Variants in SELENOP observed in about 807,000 individuals in gnomAD.
SELENOP encodes the protein selenoprotein P, plasma, 1.
Under a neutral mutation model 41.0 loss-of-function variants are expected in SELENOP, and 36 were observed. That is an observed-to-expected ratio of 0.88 (90% CI 0.67 to 1.16). SELENOP has a LOEUF of 1.16. Among genes scored for constraint, SELENOP ranks in the 50% most tolerant of loss-of-function variants. The probability of loss-of-function intolerance (pLI) is 0.00; values close to 1 mark genes in which losing one functional copy is unlikely to be tolerated. For synonymous variants in SELENOP, 144 were observed against 150.8 expected, an observed-to-expected ratio of 0.95 and a Z score of 0.33; for missense variants, 440 against 454.2, an observed-to-expected ratio of 0.97 and a Z score of 0.28.
chr5:42,804,410 G>A (rs1203522584), intron 4 of SELENOP, among the ~76,000 whole-genome samples: 2 of 152,156 alleles, frequency 1.3e-5, no homozygotes, highest in African/African-American at 2.4e-5. Flanking sequence ...GCAGTGAGCC[G>A]AGATCGCGCC....
chr5:42,809,737 A>C, intron 1 of SELENOP: 2 of 854,278 alleles, frequency 2.3e-6, no homozygotes, highest in Non-Finnish European at 1.4e-6. Flanking sequence ...CTTTCACATT[A>C]TTTAACACAT....
intron 4 of SELENOP, among the ~76,000 whole-genome samples, chr5:42,802,683 TCA>T (rs1184947590): frequency 6.6e-6 from 1 of 152,232 alleles, no homozygotes; most frequent in Non-Finnish European, 1.5e-5. Flanking sequence ...CGACCTCGAC[TCA>T]CTGCAACTTC....
chr5:42,806,495 T>C (rs998915891), intron 3 of SELENOP: 1 of 161,204 alleles, frequency 6.2e-6, no homozygotes, highest in African/African-American at 2.4e-5. Context: ...AATCAAGGGA[T>C]AGATGAGATT....
chr5:42,809,804 T>G, intron 1 of SELENOP: 1 of 949,720 alleles, frequency 1.1e-6, no homozygotes, highest in African/African-American at 1.8e-5. Flanking sequence ...GAGAGTGAGG[T>G]GAGAGAGGTA....
At chr5:42,803,761 GTTC>G (rs1760263496) in intron 4 of SELENOP, among the ~76,000 whole-genome samples, 2 of 152,070 alleles carry the variant, frequency 1.3e-5, no homozygotes. Context: ...TTTAAATATA[GTTC>G]TTCTCATAAC....
rs368371360 is a variant in SELENOP at position 42,800,089 on chromosome 5, C to G, written c.*631G>C. 3.4e-4 allele frequency: 80 copies of G among 233,158 alleles called. 1 individual carries two copies. In the South Asian group the frequency reaches 6.9e-3, roughly 20 times the overall value. The allele number at this position is 233,158 out of a possible 1,614,324, so 14.4% of individuals were successfully genotyped here. On this transcript the variant is annotated 3_prime_UTR_variant, in exon 5 of 5. Transcript: ENST00000514985. ...TTTCCCCTTATATCTTTTAAGACAG[C>G]CACTCAAGTTTTAGAAGAGTATGAT...
rs1218998793 is a variant in SELENOP at position 42,800,984 on chromosome 5, C to T, written c.882G>A (p.Glu294=). 1 of 1,614,214 alleles carries T rather than the reference C, an allele frequency of 6.2e-7. No homozygotes were observed. The highest frequency in any genetic ancestry group is 2.2e-5 in the East Asian group (1 of 44,894). The part of the protein sequence containing the change: ...QLLCKLPTDS[E]LAPRSUCCHC... ...GGCAGCATCAGCTCCTAGGAGCCAA[C>T]TCTGAATCTGTGGGCAATTTACAGA... The change falls in exon 5 of 5, where the codon GAG becomes GAA. Residue 294 remains glutamate, a synonymous_variant. Coordinates refer to ENST00000514985, the MANE Select transcript of SELENOP (RefSeq NM_005410.4).
rs550031817 is a variant in SELENOP at position 42,800,371 on chromosome 5, C to G, written c.*349G>C. 8 of 175,736 alleles carry G rather than the reference C, an allele frequency of 4.6e-5. No individual in the cohort carries two copies. Among genetic ancestry groups the G allele is most frequent in the Non-Finnish European group, 8.3e-5 (7 of 84,292 alleles). 10.9% of individuals were successfully genotyped at this position (175,736 alleles called of 1,614,324 possible). A position where few individuals can be genotyped will look rare whatever the true frequency, so the allele number is the denominator to read the frequency against. ...GTAAAGAAAAAAATGGAAAGCATGT[C>G]TTTGTTGTTCTTCCTCCATTCTAAA... On this transcript the variant is annotated 3_prime_UTR_variant, in exon 5 of 5. Transcript: ENST00000514985.
chr5:42,804,655 C>A lies in SELENOP; in HGVS notation c.534+1G>T. The A allele has an allele frequency of 6.7e-7, 1 of 1,498,214 alleles. No homozygotes were observed. The highest frequency in any genetic ancestry group is 9.2e-7 in the Non-Finnish European group (1 of 1,087,040). 92.8% of individuals were successfully genotyped at this position (1,498,214 alleles called of 1,614,324 possible). ...CCCAGAAAAATAATTCAGAAAAATA[C>A]CGTGAGAGAGCAGTTTCCACATTTC... On this transcript the variant is annotated splice_donor_variant, in intron 4 of 4. Transcript: ENST00000514985. LOFTEE classifies it high-confidence loss of function.
intron 4 of SELENOP, chr5:42,801,556 C>G (rs1432533714): frequency 2.0e-5 from 9 of 460,116 alleles, no homozygotes; most frequent in Non-Finnish European, 3.4e-5. Context: ...TTTGCAGAAG[C>G]AAATGAAGTA....
intron 4 of SELENOP, among the ~76,000 whole-genome samples, chr5:42,803,490 A>G (rs1288601670): frequency 6.6e-6 from 1 of 152,118 alleles, no homozygotes; most frequent in African/African-American, 2.4e-5. Flanking sequence ...TAGAGTAAGT[A>G]ACTTATACTC....
At chr5:42,809,061 G>A (rs1164603339) in intron 1 of SELENOP, among the ~76,000 whole-genome samples, 1 of 152,144 alleles carries the variant, frequency 6.6e-6, no homozygotes, top group African/African-American at 2.4e-5. Flanking sequence ...TGTGGCTCAT[G>A]TCGGGCCCTT....
intron 2 of SELENOP, 22 bp from the exon 3 acceptor site, chr5:42,807,130 A>C (rs980859005): frequency 2.6e-6 from 3 of 1,154,902 alleles, no homozygotes; most frequent in Non-Finnish European, 3.8e-6. Flanking sequence ...GGGAAGAAAT[A>C]CATAAAATGA....
At chr5:42,804,371 G>A (rs1214904516) in intron 4 of SELENOP, among the ~76,000 whole-genome samples, 1 of 152,182 alleles carries the variant, frequency 6.6e-6, no homozygotes, top group African/African-American at 2.4e-5. Context: ...TGAGGCAGGA[G>A]AATGGCGTGA....
At position 42,800,646 on chromosome 5, in the gene SELENOP, T is replaced by C. The variant is rs1385650231; in HGVS notation, c.*74A>G. ...TAATTTCTATTTTTGGTTCACTAAT[T>C]TGGTAGTTTATAAAAATGCTGGAAA... On this transcript the variant is annotated 3_prime_UTR_variant, in exon 5 of 5. Coordinates refer to ENST00000514985, the MANE Select transcript of SELENOP (RefSeq NM_005410.4). 2 of 1,479,640 alleles carry C rather than the reference T, an allele frequency of 1.4e-6. No homozygotes were observed. The highest frequency in any genetic ancestry group is 1.8e-6 in the Non-Finnish European group (2 of 1,104,950). The allele number at this position is 1,479,640 out of a possible 1,614,324, so 91.7% of individuals were successfully genotyped here.
chr5:42,801,588 T>C (rs1760204311), intron 4 of SELENOP: 2 of 456,878 alleles, frequency 4.4e-6, no homozygotes, highest in Non-Finnish European at 7.6e-6. Context: ...GGAACTTGGA[T>C]TGCAGGAAAG....
intron 2 of SELENOP, chr5:42,807,573 A>G (rs995956215): frequency 1.3e-5 from 2 of 157,620 alleles, no homozygotes; most frequent in African/African-American, 4.8e-5. Context: ...TGATTAAAGC[A>G]TATGAAAGTA....
chr5:42,803,496 T>A (rs1760258341), intron 4 of SELENOP, among the ~76,000 whole-genome samples: 1 of 152,210 alleles, frequency 6.6e-6, no homozygotes, highest in African/African-American at 2.4e-5. Context: ...AAGTAACTTA[T>A]ACTCCTTAAC....
intron 3 of SELENOP, chr5:42,805,978 T>C (rs1431909606): frequency 6.6e-6 from 1 of 152,084 alleles, no homozygotes; most frequent in Non-Finnish European, 1.5e-5. Context: ...CAAGAAGAAA[T>C]CAAGTGAAGA....
Sources: allele counts gnomAD v4.1 joint callset (sites outside exome capture counted in the v4.1 genomes callset), GRCh38; gene constraint gnomAD v4.1.1; transcripts MANE v1.5; gene names NCBI Gene and HGNC (gene_info 2026-07-23, HGNC 2026-07-21).